The following SUMF1 variants were observed in gnomAD, a reference collection of about 807,000 sequenced individuals.
SUMF1 encodes the protein sulfatase modifying factor 1.
Under a neutral mutation model 47.6 loss-of-function variants are expected in SUMF1, and 48 were observed. The ratio of observed to expected loss-of-function variants is 1.01; its 90% CI spans 0.80 to 1.28. The LOEUF is 1.28. Ranked by LOEUF, SUMF1 falls within the 50% of genes most tolerant of loss-of-function variation. The pLI is 0.00. For synonymous variants in SUMF1, 230 were observed against 192.1 expected (o/e 1.20, Z -1.63); for missense variants, 571 against 485.4 (o/e 1.18, Z -1.66).
intron 8 of SUMF1, among the ~76,000 whole-genome samples, chr3:4,120,372 A>G (rs964270938): frequency 3.9e-5 from 6 of 152,168 alleles, no homozygotes; most frequent in African/African-American, 1.4e-4. Context: ...CTCACAATCT[A>G]TTTGTAATCC....
intron 8 of SUMF1, among the ~76,000 whole-genome samples, chr3:4,214,093 C>G (rs1422717346): frequency 2.0e-5 from 3 of 152,184 alleles, no homozygotes; most frequent in Non-Finnish European, 4.4e-5. Flanking sequence ...CCATACAAAT[C>G]AACAGAATAT....
chr3:4,431,089 A>G (rs1702217809), intron 3 of SUMF1, among the ~76,000 whole-genome samples: 2 of 152,206 alleles, frequency 1.3e-5, no homozygotes, highest in Admixed American at 1.3e-4. Flanking sequence ...ACCATTCCCT[A>G]TTTGACAAGG....
At chr3:4,290,201 G>C (rs1697712521) in intron 8 of SUMF1, among the ~76,000 whole-genome samples, 1 of 152,128 alleles carries the variant, frequency 6.6e-6, no homozygotes, top group Non-Finnish European at 1.5e-5. Context: ...TCCATCTTTT[G>C]TCAAACATAT....
At chr3:4,390,236 G>C (rs1384918035) in intron 7 of SUMF1, among the ~76,000 whole-genome samples, 1 of 152,078 alleles carries the variant, frequency 6.6e-6, no homozygotes, top group Admixed American at 6.5e-5. Context: ...ACTAGATGTG[G>C]GTAGGAGTTT....
intron 3 of SUMF1, among the ~76,000 whole-genome samples, chr3:4,441,767 C>T (rs1273854387): frequency 2.0e-5 from 3 of 152,136 alleles, no homozygotes; most frequent in African/African-American, 2.4e-5. Flanking sequence ...GATATTTTTA[C>T]ACACAAACTC....
At chr3:4,210,139 C>A (rs926425550) in intron 8 of SUMF1, among the ~76,000 whole-genome samples, 59 of 152,160 alleles carry the variant, frequency 3.9e-4, no homozygotes, top group Admixed American at 3.7e-3. Flanking sequence ...AAGTGATCTG[C>A]CTGCCTCAGC....
At chr3:4,227,358 GA>G (rs1696196457) in intron 8 of SUMF1, among the ~76,000 whole-genome samples, 1 of 144,318 alleles carries the variant, frequency 6.9e-6, no homozygotes, top group Non-Finnish European at 1.6e-5. Context: ...TTAACCAAAT[GA>G]ACACACAAAA....
chr3:4,180,609 G>A (rs1559543232), intron 8 of SUMF1, among the ~76,000 whole-genome samples: 1 of 151,678 alleles, frequency 6.6e-6, no homozygotes, highest in Non-Finnish European at 1.5e-5. Context: ...GAGTTGATGG[G>A]TGCAGCAAGC....
Position 4,234,538 on chromosome 3 carries a change from G to A in SUMF1, c.1014+141792C>T, listed in dbSNP as rs1696368050. ...AACTAACATGTATATGACTGTTTAT[G>A]TGTATTCATATATATACAGAACTCA... On this transcript the variant is annotated intron_variant and NMD_transcript_variant, in intron 8 of 12. Transcript: ENST00000448413. Among the ~76,000 whole-genome samples, 6 of 152,152 alleles carry A rather than the reference G, an allele frequency of 3.9e-5. No individual in the cohort carries two copies. In the South Asian group the frequency reaches 1.0e-3, roughly 26 times the overall value.
intron 8 of SUMF1, among the ~76,000 whole-genome samples, chr3:4,228,831 A>G: frequency 6.6e-6 from 1 of 152,136 alleles, no homozygotes; most frequent in Non-Finnish European, 1.5e-5. Context: ...AGCCATTACT[A>G]GATGTCAGGC....
downstream of SUMF1, among the ~76,000 whole-genome samples, chr3:4,360,420 C>T (rs191831021): frequency 1.3e-5 from 2 of 152,050 alleles, no homozygotes; most frequent in African/African-American, 4.8e-5. Flanking sequence ...CTCCGCCTTC[C>T]AGGTTCAAGC....
intron 9 of SUMF1, among the ~76,000 whole-genome samples, chr3:4,046,690 G>T (rs979030325): frequency 5.3e-5 from 8 of 150,692 alleles, no homozygotes; most frequent in African/African-American, 2.0e-4. Context: ...CTTTTCTCCA[G>T]TCTATAACCT....
At chr3:4,134,657 C>G (rs1048052124) in intron 8 of SUMF1, among the ~76,000 whole-genome samples, 2 of 151,958 alleles carry the variant, frequency 1.3e-5, no homozygotes, top group Non-Finnish European at 2.9e-5. Flanking sequence ...CACAAAAAAC[C>G]CTTCAAAAAA....
At position 4,410,898 on chromosome 3, in the gene SUMF1, A is replaced by G. The variant is rs781418341; in HGVS notation, c.921T>C (p.Thr307=). Residue 307 remains threonine, a synonymous_variant, in exon 7 of 9, where the codon ACT becomes ACC. Transcript: ENST00000272902. ...GCGTTTCTTCAACAGAATGATGAAC[A>G]GTCCACCAGTCTGAAGTCCATTCCC... The part of the protein sequence containing the change: ...NAWEWTSDWW[T]VHHSVEETLN... 3 of 1,613,996 alleles carry G rather than the reference A, an allele frequency of 1.9e-6. No individual in the cohort carries two copies. Among genetic ancestry groups the G allele is most frequent in the South Asian group, 2.2e-5 (2 of 91,090 alleles).
intron 8 of SUMF1, among the ~76,000 whole-genome samples, chr3:4,113,424 G>A (rs978949578): frequency 1.3e-5 from 2 of 151,964 alleles, no homozygotes; most frequent in African/African-American, 2.4e-5. Flanking sequence ...AGCTATGTGG[G>A]GGGCTGAGGC....
intron 7 of SUMF1, among the ~76,000 whole-genome samples, chr3:4,392,290 C>T (rs916554600): frequency 5.3e-5 from 8 of 151,954 alleles, no homozygotes; most frequent in Non-Finnish European, 1.0e-4. Context: ...CTATTTGATT[C>T]TCTATTTGTT....
chr3:4,163,531 G>A lies in SUMF1; in HGVS notation c.1015-94786C>T, dbSNP rs569666089. On this transcript the variant is annotated intron_variant and NMD_transcript_variant, in intron 8 of 12. Transcript: ENST00000448413. ...AGGATCTTTCTTCTATCTCTTTGTT[G>A]ATATTCTGGTTTTCTTGTACTGACA... is the stretch of plus-strand genomic sequence containing the variant. Among the ~76,000 whole-genome samples the A allele has an allele frequency of 2.7e-5, 4 of 146,922 alleles. No individual in the cohort carries two copies. In the South Asian group the frequency reaches 6.7e-4, roughly 24 times the overall value.
intron 8 of SUMF1, among the ~76,000 whole-genome samples, chr3:4,275,888 T>C (rs183045421): frequency 6.6e-6 from 1 of 152,284 alleles, no homozygotes; most frequent in East Asian, 1.9e-4. Context: ...AAAATAATCA[T>C]ATTGGCCTGT....
At chr3:4,307,074 T>C (rs904657552) in intron 8 of SUMF1, among the ~76,000 whole-genome samples, 25 of 152,188 alleles carry the variant, frequency 1.6e-4, no homozygotes, top group Non-Finnish European at 3.1e-4. Flanking sequence ...CTTATGAGGC[T>C]AGAGGCCAAG....
Sources: gnomAD v4.1 joint callset for allele counts (sites outside exome capture counted in the v4.1 genomes callset) on GRCh38, gnomAD v4.1.1 for gene constraint, MANE v1.5 for transcripts, NCBI Gene and HGNC (gene_info 2026-07-23, HGNC 2026-07-21) for gene names.